DPP6: variants seen among roughly 807,000 people sequenced by gnomAD.
The protein encoded by DPP6 is dipeptidyl peptidase like 6.
A neutral mutation model predicts 122.6 loss-of-function variants in DPP6; 69 were observed. The observed-to-expected ratio is 0.56, with a 90% CI of 0.46 to 0.69. DPP6 has a LOEUF of 0.69. DPP6 is among the 30% of genes least tolerant of loss of function. The probability of loss-of-function intolerance (pLI) is 0.00; values close to 1 mark genes in which losing one functional copy is unlikely to be tolerated. For missense variants in DPP6, 928 were observed against 1,116.9 expected (o/e 0.83, Z 2.41); for synonymous variants, 418 against 433.1 (o/e 0.97, Z 0.43).
chr7:154,883,053 T>A lies in DPP6; in HGVS notation c.2133+2111T>A, dbSNP rs79085143. 2.8e-4 allele frequency among the ~76,000 whole-genome samples: 19 copies of A among 69,036 alleles called. No homozygotes were observed. In the East Asian group the frequency reaches 4.0e-3, roughly 14 times the overall value. The allele number at this position is 69,036 out of a possible 152,430, so 45.3% of individuals were successfully genotyped here. On this transcript the variant is annotated intron_variant, in intron 21 of 25. Coordinates refer to ENST00000377770, the MANE Select transcript of DPP6 (RefSeq NM_130797.4). Reference sequence around the variant, plus strand: ...CATACACATGCTCACACACACATGCTCACACATTCACACACATGCTCACCC... The same window carrying A: ...CATACACATGCTCACACACACATGCACACACATTCACACACATGCTCACCC...
intron 1 of DPP6, among the ~76,000 whole-genome samples, chr7:154,278,833 G>A (rs1417172199): frequency 9.9e-5 from 15 of 151,804 alleles, no homozygotes; most frequent in Non-Finnish European, 1.8e-4. Flanking sequence ...TGCATGTGTG[G>A]GAGTGGGGAT....
chr7:154,626,253 G>T (rs1037352022), intron 5 of DPP6, among the ~76,000 whole-genome samples: 1 of 152,214 alleles, frequency 6.6e-6, no homozygotes, highest in African/African-American at 2.4e-5. Flanking sequence ...TCCAAGTGGA[G>T]ACTGAAGGAA....
At chr7:154,846,228 G>C (rs1241930251) in intron 16 of DPP6, among the ~76,000 whole-genome samples, 1 of 150,628 alleles carries the variant, frequency 6.6e-6, no homozygotes, top group East Asian at 1.9e-4. Context: ...TTATATGTAT[G>C]TGTGGGTATA....
At chr7:153,803,840 C>CATACACACACACACATATATAT in the DPP6 span, among the ~76,000 whole-genome samples, 1 of 150,600 alleles carries the variant, frequency 6.6e-6, no homozygotes, top group Non-Finnish European at 1.5e-5. Flanking sequence ...TGTATGTGTA[C>CATACACACACACACATATATAT]ATACACACAC....
At chr7:154,685,179 C>T (rs926934117) in intron 7 of DPP6, among the ~76,000 whole-genome samples, 1 of 152,224 alleles carries the variant, frequency 6.6e-6, no homozygotes, top group Admixed American at 6.5e-5. Flanking sequence ...TGGCCTTTCC[C>T]CTCCTGTCTC....
chr7:154,636,669 C>G (rs931190319), intron 5 of DPP6, among the ~76,000 whole-genome samples: 1 of 152,174 alleles, frequency 6.6e-6, no homozygotes, highest in African/African-American at 2.4e-5. Context: ...ATATCTGGGT[C>G]CTGTTCCTCC....
intron 1 of DPP6, among the ~76,000 whole-genome samples, chr7:153,972,003 T>C (rs1172222957): frequency 6.7e-6 from 1 of 149,614 alleles, no homozygotes; most frequent in Non-Finnish European, 1.5e-5. Context: ...TCTCTTGTAC[T>C]GCCTGTTGTC....
chr7:154,879,813 C>T (rs1805233388), intron 20 of DPP6, among the ~76,000 whole-genome samples: 1 of 152,162 alleles, frequency 6.6e-6, no homozygotes, highest in South Asian at 2.1e-4. Context: ...GGTCACTATG[C>T]TGAGAGTTAT....
intron 1 of DPP6, among the ~76,000 whole-genome samples, chr7:154,060,284 GGCAA>G (rs1184806517): frequency 2.4e-5 from 3 of 122,684 alleles, no homozygotes; most frequent in Admixed American, 1.6e-4. Flanking sequence ...GGGACTGAGA[GGCAA>G]TCCCTCTTCC....
intron 1 of DPP6, among the ~76,000 whole-genome samples, chr7:154,118,220 G>A (rs1049470987): frequency 1.5e-4 from 22 of 150,958 alleles, no homozygotes; most frequent in African/African-American, 4.7e-4. Context: ...GGAGCTGCAT[G>A]TCATGTAGTC....
At chr7:154,117,367 C>A (rs1479335436) in intron 1 of DPP6, among the ~76,000 whole-genome samples, 2 of 152,208 alleles carry the variant, frequency 1.3e-5, no homozygotes, top group East Asian at 3.9e-4. Context: ...TACTGCAGTC[C>A]TGTCTTGTTC....
Position 154,181,642 on chromosome 7 carries a change from A to G in DPP6, c.243+128579A>G, listed in dbSNP as rs191063823. ...ATGTAAGGCAGCATAATATTAGTTT[A>G]TACACACTCATTTGGACCCCTTATC... On this transcript the variant is annotated intron_variant, in intron 1 of 25. Transcript: ENST00000377770. 1.3e-3 allele frequency among the ~76,000 whole-genome samples: 193 copies of G among 152,218 alleles called. 1 individual carries two copies. The highest frequency in any genetic ancestry group is 3.1e-3 in the Admixed American group (47 of 15,290).
chr7:154,197,171 T>C (rs7803120), intron 1 of DPP6, among the ~76,000 whole-genome samples: 126,842 of 151,512 alleles, frequency 0.84, 53,245 homozygotes, highest in Non-Finnish European at 0.85. Context: ...TTGCAATCTT[T>C]ATTCATTGAT....
chr7:154,601,033 G>C (rs955341822), intron 5 of DPP6, among the ~76,000 whole-genome samples: 1 of 120,806 alleles, frequency 8.3e-6, no homozygotes, highest in African/African-American at 2.6e-5. Flanking sequence ...GGAGGTTGCG[G>C]TGAGCCATTG....
At chr7:154,736,638 CTT>C (rs1419697457) in intron 8 of DPP6, among the ~76,000 whole-genome samples, 1 of 152,204 alleles carries the variant, frequency 6.6e-6, no homozygotes, top group East Asian at 1.9e-4. Context: ...TCTTCCAGCT[CTT>C]GTCGTCTGTA....
intron 1 of DPP6, among the ~76,000 whole-genome samples, chr7:154,197,423 G>A (rs1014690562): frequency 6.6e-6 from 1 of 151,988 alleles, no homozygotes; most frequent in African/African-American, 2.4e-5. Flanking sequence ...ACCATACGTC[G>A]ATGCAGACAC....
chr7:154,157,151 C>T (rs10242989), intron 1 of DPP6, among the ~76,000 whole-genome samples: 55,887 of 147,070 alleles, frequency 0.38, 5,035 homozygotes, highest in Middle Eastern at 0.49. Flanking sequence ...TGCGGAGTCA[C>T]GATACTGAAG....
At chr7:154,401,425 G>A (rs2151186553) in intron 1 of DPP6, among the ~76,000 whole-genome samples, 1 of 151,890 alleles carries the variant, frequency 6.6e-6, no homozygotes, top group South Asian at 2.1e-4. Flanking sequence ...ATGATTTTTT[G>A]ACCCTGAGAA....
In DPP6 at chr7:154,018,532, G is replaced by A. The variant is rs547572203; in HGVS notation, c.51+130798G>A. On this transcript the variant is annotated intron_variant, in intron 1 of 25. Coordinates refer to the DPP6 transcript ENST00000404039. ...AAGTGTCCCTATATATGGAAAGGAA[G>A]GAACAGTTCACAAGCTTTCTAAGCT... 7.2e-5 allele frequency among the ~76,000 whole-genome samples: 11 copies of A among 152,358 alleles called. No individual in the cohort carries two copies. In the East Asian group the frequency reaches 1.9e-3, roughly 27 times the overall value.
Sources: allele counts gnomAD v4.1 joint callset (sites outside exome capture counted in the v4.1 genomes callset), GRCh38; gene constraint gnomAD v4.1.1; transcripts MANE v1.5; gene names NCBI Gene and HGNC (gene_info 2026-07-23, HGNC 2026-07-21).